Variants in FANCI observed in about 807,000 individuals in gnomAD.
The protein encoded by FANCI is FA complementation group I.
In FANCI, 156 loss-of-function variants were observed where a neutral mutation model predicts 176.1. The ratio of observed to expected loss-of-function variants is 0.89; its 90% CI spans 0.78 to 1.01. FANCI has a LOEUF of 1.01. Among genes scored for constraint, FANCI ranks in the 50% least tolerant of loss-of-function variants. The probability of loss-of-function intolerance (pLI) is 0.00; values close to 1 mark genes in which losing one functional copy is unlikely to be tolerated. For missense variants in FANCI, 1,678 were observed against 1,534.1 expected (o/e 1.09, Z -1.57); for synonymous variants, 613 against 541.7 (o/e 1.13, Z -1.83).
At position 89,314,834 on chromosome 15, in the gene FANCI, TCTCCCC is replaced by T. The variant is rs2055147158; in HGVS notation, c.3816+129_3816+134del. The T allele has an allele frequency of 3.5e-4, 121 of 350,554 alleles. 15 individuals carry two copies. The highest frequency in any genetic ancestry group is 1.2e-3 in the South Asian group (40 of 33,380). The allele number at this position is 350,554 out of a possible 1,614,324, so 21.7% of individuals were successfully genotyped here. On this transcript the variant is annotated intron_variant, in intron 36 of 37. Transcript: ENST00000310775. ...CCATTTGTGTGTTTGCCATCCCCCC[TCTCCCC>T]CCCCCCCCCTTTTTTTTTTTGAGAC...
intron 26 of FANCI, among the ~76,000 whole-genome samples, chr15:89,300,992 G>A (rs1199722196): frequency 6.6e-6 from 1 of 152,204 alleles, no homozygotes; most frequent in Non-Finnish European, 1.5e-5. Flanking sequence ...GCATTGCTGG[G>A]TTTGGTGCCT....
In FANCI at chr15:89,305,149, G is replaced by C. The variant is rs546822799; in HGVS notation, c.3093G>C (p.Leu1031Phe). The stretch of plus-strand genomic sequence containing the variant: ...TGTTTTGCAAGAGCTTGATGAACTT[G>C]CTCTTCAGCCTGCATGTTTCGTATA... ...DALFCKSLMN[L>F]LFSLHVSYKS... is the part of the protein sequence containing the mutation. Residue 1031 changes from leucine (L) to phenylalanine (F), a missense_variant, in exon 29 of 38, where the codon TTG becomes TTC. Physicochemically the swap from Leu to Phe is conservative, Grantham distance 22. This residue lies in a region of FANCI where 1,204 missense variants were observed against 1,077.4 expected (regional missense o/e 1.12). Coordinates refer to ENST00000310775, the MANE Select transcript of FANCI (RefSeq NM_001113378.2). 11 of 1,614,160 alleles carry C rather than the reference G, an allele frequency of 6.8e-6. No individual in the cohort carries two copies. The African/African-American group carries it at 1.1e-4, about 16-fold the overall frequency.
intron 22 of FANCI, among the ~76,000 whole-genome samples, chr15:89,293,565 G>A (rs1426015815): frequency 6.6e-6 from 1 of 152,152 alleles, no homozygotes; most frequent in Non-Finnish European, 1.5e-5. Flanking sequence ...CCTGGGACCT[G>A]TAGTCCTAGC....
At chr15:89,249,806 A>C (rs974032103) in intron 2 of FANCI, among the ~76,000 whole-genome samples, 2 of 152,250 alleles carry the variant, frequency 1.3e-5, no homozygotes, top group Non-Finnish European at 2.9e-5. Context: ...AGTAAAGTGG[A>C]ATACAGAGCT....
rs1567171375 is a variant in FANCI at position 89,301,426 on chromosome 15, A to G, written c.2990A>G (p.Glu997Gly). 1 of 1,613,124 alleles carries G rather than the reference A, an allele frequency of 6.2e-7. No individual in the cohort carries two copies. The change falls in exon 27 of 38, where the codon GAG becomes GGG. Residue 997 changes from glutamate to glycine, a missense_variant. This residue lies in a region of FANCI where 1,204 missense variants were observed against 1,077.4 expected (regional missense o/e 1.12). Transcript: ENST00000310775. Reference sequence around the variant, plus strand: ...CTTACCAGTTTGTCCAAGTTACTGGAGCCCTCCTCTCCTCAGGTACTAGTA... The same window carrying G: ...CTTACCAGTTTGTCCAAGTTACTGGGGCCCTCCTCTCCTCAGGTACTAGTA... ...TVLTSLSKLL[E>G]PSSPQFVQML...
chr15:89,294,259 T>C (rs534243271), intron 23 of FANCI, among the ~76,000 whole-genome samples: 3 of 152,244 alleles, frequency 2.0e-5, no homozygotes, highest in East Asian at 3.9e-4. Flanking sequence ...AGAAAATCTA[T>C]GTAAGTAGCT....
In FANCI at chr15:89,305,602, C is replaced by T. The variant is rs766906936; in HGVS notation, c.3256-3C>T. Reference sequence around the variant, plus strand: ...AATCACACCAGGCACTCTTTTCTTTCAGTTACTTGTTCTGAGTCAGGCCGA... The same window carrying T: ...AATCACACCAGGCACTCTTTTCTTTTAGTTACTTGTTCTGAGTCAGGCCGA... On this transcript the variant is annotated splice_region_variant and splice_polypyrimidine_tract_variant and intron_variant, in intron 30 of 37. Coordinates refer to ENST00000310775, the MANE Select transcript of FANCI (RefSeq NM_001113378.2). 3.1e-6 allele frequency: 5 copies of T among 1,613,966 alleles called. No individual in the cohort carries two copies. The Admixed American group carries it at 5.0e-5, about 16-fold the overall frequency.
rs1198376287 is a variant in FANCI, at chr15:89,314,847, C to T, written c.3816+140C>T. On this transcript the variant is annotated intron_variant, in intron 36 of 37. Coordinates refer to ENST00000310775, the MANE Select transcript of FANCI (RefSeq NM_001113378.2). ...TGCCATCCCCCCTCTCCCCCCCCCC[C>T]CCTTTTTTTTTTTGAGACTGTGTCT... 396 of 535,412 alleles carry T rather than the reference C, an allele frequency of 7.4e-4. 1 individual carries two copies. Among genetic ancestry groups the T allele is most frequent in the African/African-American group, 5.7e-3 (238 of 41,642 alleles). The allele number at this position is 535,412 out of a possible 1,614,324, so 33.2% of individuals were successfully genotyped here.
chr15:89,317,203 A>G (rs2055300281), downstream of FANCI: 6 of 652,346 alleles, frequency 9.2e-6, no homozygotes, highest in East Asian at 1.6e-4. Flanking sequence ...TTTCTGAAAC[A>G]TCATATCACA....
chr15:89,312,420 A>G (rs1343722331), intron 34 of FANCI, among the ~76,000 whole-genome samples: 1 of 152,264 alleles, frequency 6.6e-6, no homozygotes, highest in Non-Finnish European at 1.5e-5. Context: ...ATATCTGAGG[A>G]TTACAAAGCA....
Position 89,258,779 on chromosome 15 carries a change from A to G in FANCI, c.157+3A>G, listed in dbSNP as rs774751856. ...ACTCCTGAGAGCCATCTTCAAAGGT[A>G]ATAATAATTAATGTCACTTCTGTCT... On this transcript the variant is annotated splice_donor_region_variant and intron_variant, in intron 3 of 37. Transcript: ENST00000310775. 3.8e-6 allele frequency: 6 copies of G among 1,594,676 alleles called. No individual in the cohort carries two copies. Among genetic ancestry groups the G allele is most frequent in the Non-Finnish European group, 5.2e-6 (6 of 1,162,572 alleles).
intron 37 of FANCI, 96 bp from the exon 38 acceptor site, chr15:89,316,301 T>A: frequency 8.0e-7 from 1 of 1,256,348 alleles, no homozygotes; most frequent in South Asian, 1.3e-5. Flanking sequence ...AACAAAGGCT[T>A]TGATGAGAAG....
At chr15:89,278,520 C>CA (rs1426925711) in intron 13 of FANCI, among the ~76,000 whole-genome samples, 167 bp from the exon 14 acceptor site, 2 of 152,158 alleles carry the variant, frequency 1.3e-5, no homozygotes, top group African/African-American at 4.8e-5. Context: ...AAGCACAGAA[C>CA]AAGGGGAAAG....
At chr15:89,274,449 C>T in intron 12 of FANCI, 145 bp downstream of exon 12, 1 of 891,214 alleles carries the variant, frequency 1.1e-6, no homozygotes, top group Non-Finnish European at 1.7e-6. Flanking sequence ...TTTCTTAAAA[C>T]TGGTAGAGGA....
intron 2 of FANCI, among the ~76,000 whole-genome samples, chr15:89,257,855 C>A (rs949961077): frequency 6.6e-6 from 1 of 152,126 alleles, no homozygotes; most frequent in African/African-American, 2.4e-5. Context: ...CTCTTAAACC[C>A]CCATAACTCA....
chr15:89,289,600 C>G (rs539424694), intron 18 of FANCI, among the ~76,000 whole-genome samples: 1 of 152,190 alleles, frequency 6.6e-6, no homozygotes, highest in South Asian at 2.1e-4. Flanking sequence ...GCCACCGTGT[C>G]TGGCCTGTTT....
intron 15 of FANCI, 80 bp downstream of exon 15, chr15:89,281,380 A>G: frequency 6.6e-7 from 1 of 1,514,582 alleles, no homozygotes; most frequent in Admixed American, 1.7e-5. Flanking sequence ...TTTTGTATAA[A>G]TATATATGTC....
intron 9 of FANCI, among the ~76,000 whole-genome samples, chr15:89,265,541 T>G (rs2052907697): frequency 6.6e-6 from 1 of 151,690 alleles, no homozygotes; most frequent in Non-Finnish European, 1.5e-5. Flanking sequence ...TCTTTTTTTT[T>G]GAGATGGGGT....
intron 2 of FANCI, among the ~76,000 whole-genome samples, chr15:89,251,141 C>T (rs2052230146): frequency 6.6e-6 from 1 of 152,056 alleles, no homozygotes; most frequent in Non-Finnish European, 1.5e-5. Context: ...ACTGTTAATA[C>T]AGAGAAAATC....
Sources: gnomAD v4.1 joint callset for allele counts (sites outside exome capture counted in the v4.1 genomes callset) on GRCh38, gnomAD v4.1.1 for gene constraint, gnomAD v4.1.1 regional missense constraint, MANE v1.5 for transcripts, NCBI Gene and HGNC (gene_info 2026-07-23, HGNC 2026-07-21) for gene names.